ANKIB1: variants seen among roughly 807,000 people sequenced by gnomAD.
ANKIB1 encodes the protein ankyrin repeat and IBR domain-containing protein 1.
ANKIB1 carries 43 observed loss-of-function variants against 122.1 expected under a neutral mutation model. The ratio of observed to expected loss-of-function variants is 0.35; its 90% CI spans 0.28 to 0.45. ANKIB1 has a LOEUF of 0.45. ANKIB1 is among the 20% of genes least tolerant of loss of function. The pLI, the probability that ANKIB1 is intolerant of heterozygous loss-of-function variation, is 1.00. For synonymous variants in ANKIB1, 390 were observed against 442.0 expected, an observed-to-expected ratio of 0.88 and a Z score of 1.48; for missense variants, 992 against 1,329.5, an observed-to-expected ratio of 0.75 and a Z score of 3.95.
intron 2 of ANKIB1, among the ~76,000 whole-genome samples, chr7:92,302,672 T>C (rs1241462718): frequency 1.3e-5 from 2 of 152,250 alleles, no homozygotes; most frequent in African/African-American, 4.8e-5. Flanking sequence ...TATTAGAGCC[T>C]GTCTTTATTA....
chr7:92,398,413 A>G lies in ANKIB1; in HGVS notation c.2734A>G (p.Ser912Gly), dbSNP rs1804946416. 2.5e-6 allele frequency: 4 copies of G among 1,613,668 alleles called. No homozygotes were observed. Among genetic ancestry groups the G allele is most frequent in the Non-Finnish European group, 3.4e-6 (4 of 1,179,738 alleles). The change falls in exon 20 of 20, where the codon AGC becomes GGC. Residue 912 changes from serine to glycine, a missense_variant. By Grantham distance (56) the Ser-to-Gly change is moderately conservative. This residue lies in a region of ANKIB1 where 384 missense variants were observed against 412.0 expected (regional missense o/e 0.93). Transcript: ENST00000265742. ...AGATAGCCCTCGGGCTGCATTGAGC[A>G]GCTCTGAGCTTTTGGAACTTGGTGA... ...NTDSPRAALS[S>G]SELLELGDSL...
At position 92,309,923 on chromosome 7, in the gene ANKIB1, T is replaced by TAA. The variant is rs869276384; in HGVS notation, c.486+2286_486+2287dup. 2.6e-3 allele frequency among the ~76,000 whole-genome samples: 247 copies of TAA among 96,030 alleles called. 6 individuals carry two copies. The highest frequency in any genetic ancestry group is 9.2e-3 in the African/African-American group (209 of 22,680). The allele number at this position is 96,030 out of a possible 152,430, so 63.0% of individuals were successfully genotyped here. On this transcript the variant is annotated intron_variant, in intron 3 of 19. Coordinates refer to ENST00000265742, the MANE Select transcript of ANKIB1 (RefSeq NM_019004.2). ...CTGGGCAACAGAGCGAGACTCCATC[T>TAA]AAAAAAAAAAAAAAAAAAAATATAT...
At chr7:92,329,615 T>G (rs1803117484) in intron 5 of ANKIB1, among the ~76,000 whole-genome samples, 1 of 152,236 alleles carries the variant, frequency 6.6e-6, no homozygotes, top group Non-Finnish European at 1.5e-5. Context: ...TCTCACAATC[T>G]ATGGATGATC....
At chr7:92,261,692 A>C (rs1801568826) in intron 1 of ANKIB1, among the ~76,000 whole-genome samples, 1 of 152,108 alleles carries the variant, frequency 6.6e-6, no homozygotes. Flanking sequence ...TGTTCATTTT[A>C]GTATTTTTGT....
chr7:92,323,357 G>A (rs149755003), intron 4 of ANKIB1, among the ~76,000 whole-genome samples: 33 of 152,146 alleles, frequency 2.2e-4, no homozygotes, highest in African/African-American at 7.5e-4. Context: ...CGTGTAAATT[G>A]ACTGTTCAGT....
intron 1 of ANKIB1, among the ~76,000 whole-genome samples, chr7:92,278,417 G>C (rs1298451873): frequency 6.6e-6 from 1 of 152,174 alleles, no homozygotes; most frequent in Non-Finnish European, 1.5e-5. Flanking sequence ...GCAGCATGGA[G>C]AAGTTTTCCT....
At chr7:92,292,435 ATTTC>A (rs1200133179) in intron 1 of ANKIB1, among the ~76,000 whole-genome samples, 1 of 152,132 alleles carries the variant, frequency 6.6e-6, no homozygotes, top group Non-Finnish European at 1.5e-5. Flanking sequence ...TTTCTTAGAT[ATTTC>A]TTTTTTTTAC....
At chr7:92,394,726 A>T (rs1228644332) in intron 17 of ANKIB1, among the ~76,000 whole-genome samples, 1 of 152,182 alleles carries the variant, frequency 6.6e-6, no homozygotes, top group Non-Finnish European at 1.5e-5. Flanking sequence ...GTTTGAGGTC[A>T]TGGGCCTCTA....
At chr7:92,257,422 A>C (rs979638723) in intron 1 of ANKIB1, among the ~76,000 whole-genome samples, 3 of 152,196 alleles carry the variant, frequency 2.0e-5, no homozygotes, top group African/African-American at 7.2e-5. Context: ...AAGGGCATGC[A>C]CTACTGCCAA....
intron 7 of ANKIB1, among the ~76,000 whole-genome samples, chr7:92,350,658 G>T (rs1248642061): frequency 1.3e-5 from 2 of 152,118 alleles, no homozygotes; most frequent in African/African-American, 2.4e-5. Flanking sequence ...AGGGGTTCGA[G>T]ATCAGTCTGG....
chr7:92,337,893 A>C (rs1562785868), intron 5 of ANKIB1, among the ~76,000 whole-genome samples: 1 of 152,134 alleles, frequency 6.6e-6, no homozygotes, highest in Non-Finnish European at 1.5e-5. Context: ...TCATTTTAAA[A>C]TTTTTCTGAC....
At chr7:92,357,703 C>T (rs1418883580) in intron 9 of ANKIB1, among the ~76,000 whole-genome samples, 2 of 148,678 alleles carry the variant, frequency 1.3e-5, no homozygotes, top group Non-Finnish European at 3.0e-5. Flanking sequence ...CCACTGCACT[C>T]CAGCCTGGGT....
chr7:92,261,207 G>A lies in ANKIB1; in HGVS notation c.-91+14688G>A. ...TACTAAAAATACAAAAAATTAGCCA[G>A]GCGTGGTAGCGGGCGCCTGTAGTCC... On this transcript the variant is annotated intron_variant, in intron 1 of 19. Transcript: ENST00000265742. Among the ~76,000 whole-genome samples, 2 of 151,680 alleles carry A rather than the reference G, an allele frequency of 1.3e-5. 1 individual carries two copies. Among genetic ancestry groups the A allele is most frequent in the Non-Finnish European group, 2.9e-5 (2 of 67,890 alleles).
intron 5 of ANKIB1, among the ~76,000 whole-genome samples, chr7:92,333,676 A>G (rs1803226837): frequency 6.6e-6 from 1 of 152,184 alleles, no homozygotes; most frequent in Non-Finnish European, 1.5e-5. Context: ...GGTTTTTCCT[A>G]TCATTGTATG....
At chr7:92,348,934 A>AG (rs1461091666) in intron 7 of ANKIB1, among the ~76,000 whole-genome samples, 1 of 152,348 alleles carries the variant, frequency 6.6e-6, no homozygotes, top group East Asian at 1.9e-4. Flanking sequence ...GGCCCAGTGA[A>AG]GAGGTGATAG....
At chr7:92,351,365 T>TTTGCCCG (rs1803658208) in intron 8 of ANKIB1, among the ~76,000 whole-genome samples, 1 of 152,172 alleles carries the variant, frequency 6.6e-6, no homozygotes, top group African/African-American at 2.4e-5. Context: ...TTTTTATTAA[T>TTTGCCCG]TTGCCCGTTG....
rs556671615 is a variant in ANKIB1, at chr7:92,339,380, C to G, written c.788-3644C>G. On this transcript the variant is annotated intron_variant, in intron 5 of 19. Coordinates refer to ENST00000265742, the MANE Select transcript of ANKIB1 (RefSeq NM_019004.2). ...AGTTTGCTTATGAAACCATGTGAAC[C>G]CTATACTTTTTAAATAAATAATTAC... Among the ~76,000 whole-genome samples, 14 of 152,106 alleles carry G rather than the reference C, an allele frequency of 9.2e-5. No homozygotes were observed. In the East Asian group the frequency reaches 2.7e-3, roughly 29 times the overall value.
rs748945905 is a variant in ANKIB1 at position 92,246,427 on chromosome 7, G to A, written c.-183G>A. The A allele has an allele frequency of 1.9e-6, 1 of 516,418 alleles. No individual in the cohort carries two copies. The highest frequency in any genetic ancestry group is 5.5e-5 in the East Asian group (1 of 18,242). 32.0% of individuals were successfully genotyped at this position (516,418 alleles called of 1,614,324 possible). A position where few individuals can be genotyped will look rare whatever the true frequency, so the allele number is the denominator to read the frequency against. On this transcript the variant is annotated 5_prime_UTR_variant, in exon 1 of 20. Coordinates refer to ENST00000265742, the MANE Select transcript of ANKIB1 (RefSeq NM_019004.2). ...GGGTGGGGCGGGCTGGGTACCTGAG[G>A]TCACCAGCTCGGCTGTAGAGGCAGG...
chr7:92,353,254 A>T (rs1356049200), intron 9 of ANKIB1, among the ~76,000 whole-genome samples: 1 of 152,222 alleles, frequency 6.6e-6, no homozygotes, highest in South Asian at 2.1e-4. Flanking sequence ...TCAGGAATCA[A>T]TGACTGCAGG....
Sources: gnomAD v4.1 joint callset for allele counts (sites outside exome capture counted in the v4.1 genomes callset) on GRCh38, gnomAD v4.1.1 for gene constraint, gnomAD v4.1.1 regional missense constraint, MANE v1.5 for transcripts, NCBI Gene and HGNC (gene_info 2026-07-23, HGNC 2026-07-21) for gene names.